HOOK3: variants seen among roughly 807,000 people sequenced by gnomAD.
The protein encoded by HOOK3 is hook microtubule tethering protein 3.
In HOOK3, 24 loss-of-function variants were observed where a neutral mutation model predicts 116.3. The ratio of observed to expected loss-of-function variants is 0.21; its 90% CI spans 0.15 to 0.29. HOOK3 has a LOEUF of 0.29. Among genes scored for constraint, HOOK3 ranks in the 10% least tolerant of loss-of-function variants. The probability of loss-of-function intolerance (pLI) is 1.00; values close to 1 mark genes in which losing one functional copy is unlikely to be tolerated. For missense variants in HOOK3, 632 were observed against 830.2 expected, an observed-to-expected ratio of 0.76 and a Z score of 2.93; for synonymous variants, 275 against 283.0, an observed-to-expected ratio of 0.97 and a Z score of 0.28.
rs1412249006 is a variant in HOOK3, at chr8:42,950,357, C to T, written c.401-31C>T. On this transcript the variant is annotated intron_variant, in intron 5 of 21. Transcript: ENST00000307602. ...TTCCCTTGACCATCTTTAACTTGAA[C>T]AGTGACATTCTAGATTGTTCTTGTT... 7 of 1,425,224 alleles carry T rather than the reference C, an allele frequency of 4.9e-6. No homozygotes were observed. In the East Asian group the frequency reaches 1.6e-4, roughly 32 times the overall value. The allele number at this position is 1,425,224 out of a possible 1,614,324, so 88.3% of individuals were successfully genotyped here.
chr8:42,919,274 CCAGT>C (rs1807600312), intron 2 of HOOK3, among the ~76,000 whole-genome samples: 2 of 148,878 alleles, frequency 1.3e-5, no homozygotes, highest in African/African-American at 2.5e-5. Flanking sequence ...GACGGGGCGG[CCAGT>C]CAGAGACGCT....
intron 13 of HOOK3, among the ~76,000 whole-genome samples, chr8:42,977,742 C>T (rs1808855556): frequency 6.6e-6 from 1 of 152,056 alleles, no homozygotes; most frequent in Admixed American, 6.6e-5. Context: ...TGGTGCGTGC[C>T]TGTAATCCTA....
chr8:42,908,306 GAAAC>G (rs1200708348), intron 2 of HOOK3, among the ~76,000 whole-genome samples: 3 of 152,140 alleles, frequency 2.0e-5, no homozygotes. Flanking sequence ...ACAGAAATAA[GAAAC>G]AAACCTAAAA....
intron 4 of HOOK3, among the ~76,000 whole-genome samples, chr8:42,941,423 C>G (rs1403173856): frequency 6.7e-6 from 1 of 148,974 alleles, no homozygotes; most frequent in African/African-American, 2.5e-5. Flanking sequence ...GAGGCTGAGG[C>G]ACGAGAATGG....
intron 13 of HOOK3, among the ~76,000 whole-genome samples, chr8:42,977,854 G>C (rs1808857400): frequency 6.6e-6 from 1 of 152,050 alleles, no homozygotes; most frequent in Non-Finnish European, 1.5e-5. Flanking sequence ...GCGACAGAGT[G>C]AGACTCTGTC....
At chr8:42,935,194 C>T (rs529832858) in intron 4 of HOOK3, among the ~76,000 whole-genome samples, 13 of 151,900 alleles carry the variant, frequency 8.6e-5, no homozygotes, top group East Asian at 1.9e-4. Context: ...TGTCTTCTTT[C>T]GAGAAGTGTC....
intron 2 of HOOK3, among the ~76,000 whole-genome samples, chr8:42,911,367 C>G (rs1454552850): frequency 6.6e-6 from 1 of 152,120 alleles, no homozygotes; most frequent in Non-Finnish European, 1.5e-5. Context: ...AGGAGAATTG[C>G]TTGAACCGGG....
At chr8:42,943,284 G>A in intron 4 of HOOK3, 29 bp from the exon 5 acceptor site, 1 of 1,280,144 alleles carries the variant, frequency 7.8e-7, no homozygotes, top group South Asian at 2.0e-5. Context: ...AAATGTAAAT[G>A]CAATTATAAT....
intron 1 of HOOK3, among the ~76,000 whole-genome samples, chr8:42,901,695 T>C (rs563729670): frequency 1.3e-5 from 2 of 152,264 alleles, no homozygotes; most frequent in South Asian, 4.1e-4. Flanking sequence ...CTTCCCTAAA[T>C]CCCAAGAGAA....
In HOOK3 at chr8:42,989,459, A is replaced by AT. The variant is rs965337975; in HGVS notation, c.1532+2672dup. On this transcript the variant is annotated intron_variant, in intron 15 of 21. Coordinates refer to ENST00000307602, the MANE Select transcript of HOOK3 (RefSeq NM_032410.4). ...CATTTATTTTGTAGATGAACTTTTT[A>AT]TTTTTTTTATTTTTGTGGGTACATA... Among the ~76,000 whole-genome samples the AT allele has an allele frequency of 1.4e-4, 21 of 151,930 alleles. 1 individual carries two copies. In the South Asian group the frequency reaches 2.7e-3, roughly 20 times the overall value.
intron 1 of HOOK3, among the ~76,000 whole-genome samples, chr8:42,897,913 C>A (rs1309357277): frequency 6.6e-6 from 1 of 152,234 alleles, no homozygotes; most frequent in Non-Finnish European, 1.5e-5. Context: ...TCCAGTCGTT[C>A]TCGCCGCGGC....
chr8:42,934,769 A>G lies in HOOK3; in HGVS notation c.267+4597A>G, dbSNP rs112419788. Among the ~76,000 whole-genome samples the G allele has an allele frequency of 1.7e-3, 261 of 152,308 alleles. 1 individual carries two copies. The highest frequency in any genetic ancestry group is 6.1e-3 in the African/African-American group (254 of 41,572). On this transcript the variant is annotated intron_variant, in intron 4 of 21. Coordinates refer to ENST00000307602, the MANE Select transcript of HOOK3 (RefSeq NM_032410.4). ...TGGTATTCCATGGTGTATATGTGCC[A>G]CATTTTCTTTATCCAGTCTATCATT...
At position 42,966,564 on chromosome 8, in the gene HOOK3, A is replaced by G. The variant is rs753743139; in HGVS notation, c.871A>G (p.Thr291Ala). The change falls in exon 10 of 22, where the codon ACT (threonine) becomes GCT (alanine). Residue 291 changes from threonine to alanine, a missense_variant. By Grantham distance (58) the Thr-to-Ala change is moderately conservative. This residue lies in a region of HOOK3 where 483 missense variants were observed against 648.1 expected (regional missense o/e 0.75). Transcript: ENST00000307602. ...TCGGCAACAGAATGATGAACTGACC[A>G]CTTTGGCAGATGAAGCTCAGTCTCT... is the stretch of plus-strand genomic sequence containing the variant. Reference protein sequence around the residue: ...ELRQQNDELTTLADEAQSLKD... With the variant: ...ELRQQNDELTALADEAQSLKD... 2.5e-6 allele frequency: 4 copies of G among 1,614,174 alleles called. No individual in the cohort carries two copies. The highest frequency in any genetic ancestry group is 1.1e-5 in the South Asian group (1 of 91,082).
intron 18 of HOOK3, among the ~76,000 whole-genome samples, chr8:43,009,975 G>A (rs905596566): frequency 2.0e-5 from 3 of 151,704 alleles, no homozygotes; most frequent in Non-Finnish European, 4.4e-5. Context: ...CATAGCATGT[G>A]TCATAACTAA....
At position 42,985,633 on chromosome 8, in the gene HOOK3, T is replaced by C. The variant is rs572453979; in HGVS notation, c.1392-1022T>C. On this transcript the variant is annotated intron_variant, in intron 14 of 21. Coordinates refer to ENST00000307602, the MANE Select transcript of HOOK3 (RefSeq NM_032410.4). ...TTGTAACTGAAAAATATACGGTCCA[T>C]GTTGCCCATACTGAGGCAGAAGAAT... is the stretch of plus-strand genomic sequence containing the variant. 6.0e-4 allele frequency among the ~76,000 whole-genome samples: 91 copies of C among 152,232 alleles called. 3 individuals carry two copies. In the South Asian group the frequency reaches 0.018, roughly 31 times the overall value.
chr8:42,960,755 G>T (rs1443253474), intron 8 of HOOK3, among the ~76,000 whole-genome samples: 6 of 152,196 alleles, frequency 3.9e-5, no homozygotes, highest in Admixed American at 6.5e-5. Context: ...AGGCACTGAA[G>T]TAGGTCTAAA....
At chr8:42,997,694 CTT>C (rs1047011678) in intron 16 of HOOK3, 57 bp downstream of exon 16, 17 of 955,502 alleles carry the variant, frequency 1.8e-5, no homozygotes, top group Non-Finnish European at 2.2e-5. Flanking sequence ...TGAGAAATAA[CTT>C]TTATTTTTTA....
intron 21 of HOOK3, among the ~76,000 whole-genome samples, chr8:43,013,679 G>T (rs1341205808): frequency 1.3e-5 from 2 of 152,094 alleles, no homozygotes; most frequent in African/African-American, 4.8e-5. Flanking sequence ...GTAAGAGAAG[G>T]GACATTAATA....
rs368720502 is a variant in HOOK3, at chr8:42,923,228, T to C, written c.144-2329T>C. Among the ~76,000 whole-genome samples, 7 of 152,336 alleles carry C rather than the reference T, an allele frequency of 4.6e-5. No individual in the cohort carries two copies. The South Asian group carries it at 1.0e-3, about 23-fold the overall frequency. On this transcript the variant is annotated intron_variant, in intron 2 of 21. Transcript: ENST00000307602. ...ATAATAACGAGTATTGGCAAGGCTG[T>C]AGAGAACATACATTGCTGGTGAGGA...
Sources: allele counts gnomAD v4.1 joint callset (sites outside exome capture counted in the v4.1 genomes callset), GRCh38; gene constraint gnomAD v4.1.1; regional missense constraint gnomAD v4.1.1; transcripts MANE v1.5; gene names NCBI Gene and HGNC (gene_info 2026-07-23, HGNC 2026-07-21).